Variants in SCLT1 observed in about 807,000 individuals in gnomAD.
SCLT1 encodes sodium channel-associated protein 1.
SCLT1 carries 78 observed loss-of-function variants against 112.8 expected under a neutral mutation model. That is an observed-to-expected ratio of 0.69 (90% CI 0.58 to 0.83). The LOEUF (loss-of-function observed/expected upper bound fraction) is 0.83, where lower values mean the gene tolerates loss of function less well. Among genes scored for constraint, SCLT1 ranks in the 40% least tolerant of loss-of-function variants. The pLI is 0.00. For missense variants in SCLT1, 747 were observed against 770.4 expected, an observed-to-expected ratio of 0.97 and a Z score of 0.36; for synonymous variants, 257 against 254.7, an observed-to-expected ratio of 1.01 and a Z score of -0.09.
intron 18 of SCLT1, among the ~76,000 whole-genome samples, chr4:128,926,708 TATTA>T (rs1378133958): frequency 3.9e-5 from 6 of 152,074 alleles, no homozygotes; most frequent in Admixed American, 2.6e-4. Flanking sequence ...CATATATATT[TATTA>T]CTTTGTTTTA....
At chr4:128,951,601 T>C (rs1052249570) in intron 14 of SCLT1, among the ~76,000 whole-genome samples, 14 of 152,142 alleles carry the variant, frequency 9.2e-5, no homozygotes, top group Admixed American at 9.2e-4. Context: ...TTAAATGATC[T>C]TGGACTGGGG....
chr4:128,919,998 G>A (rs951298700), intron 18 of SCLT1, among the ~76,000 whole-genome samples: 10 of 152,020 alleles, frequency 6.6e-5, no homozygotes, highest in African/African-American at 1.9e-4. Flanking sequence ...TTCCTACTGA[G>A]ACTACTCCAA....
chr4:128,878,135 T>C (rs1432097758), intron 3 of SCLT1, among the ~76,000 whole-genome samples: 1 of 152,152 alleles, frequency 6.6e-6, no homozygotes, highest in Non-Finnish European at 1.5e-5. Context: ...AACCTCCAAG[T>C]CGGCATTTTT....
chr4:128,876,958 C>A (rs1000262657), intron 3 of SCLT1, among the ~76,000 whole-genome samples: 4 of 152,136 alleles, frequency 2.6e-5, no homozygotes, highest in African/African-American at 7.2e-5. Flanking sequence ...TGCTTCGATC[C>A]CACCACCATT....
intron 15 of SCLT1, among the ~76,000 whole-genome samples, 162 bp downstream of exon 15, chr4:128,948,334 G>GA (rs1560878744): frequency 1.1e-4 from 4 of 35,844 alleles, no homozygotes; most frequent in South Asian, 9.2e-4. Context: ...AGACTCCATT[G>GA]CAAAAAAAAA....
chr4:129,004,263 T>C (rs1579662752), intron 5 of SCLT1, among the ~76,000 whole-genome samples: 1 of 152,226 alleles, frequency 6.6e-6, no homozygotes, highest in East Asian at 1.9e-4. Flanking sequence ...AATTATATAT[T>C]AAATCCTGTA....
intron 18 of SCLT1, among the ~76,000 whole-genome samples, chr4:128,902,775 T>G (rs1421462016): frequency 1.3e-5 from 2 of 152,208 alleles, no homozygotes; most frequent in African/African-American, 4.8e-5. Flanking sequence ...CTTTATAAAA[T>G]TTTTAATTTT....
chr4:128,998,937 T>C (rs748704413), intron 7 of SCLT1, among the ~76,000 whole-genome samples: 14 of 151,850 alleles, frequency 9.2e-5, no homozygotes, highest in Non-Finnish European at 1.5e-4. Flanking sequence ...TCAAAATACA[T>C]AGAAAAGAGG....
At chr4:128,937,819 A>G (rs2125983461) in intron 17 of SCLT1, among the ~76,000 whole-genome samples, 1 of 152,284 alleles carries the variant, frequency 6.6e-6, no homozygotes, top group South Asian at 2.1e-4. Flanking sequence ...CTCTTTGGAT[A>G]CCCTAGAAGC....
intron 13 of SCLT1, among the ~76,000 whole-genome samples, chr4:128,953,477 G>C (rs2126004798): frequency 6.6e-6 from 1 of 152,148 alleles, no homozygotes; most frequent in Admixed American, 6.5e-5. Flanking sequence ...GTGACCTTGT[G>C]GCCTCTCTGA....
downstream of SCLT1, among the ~76,000 whole-genome samples, chr4:128,882,981 T>C (rs1401656914): frequency 6.6e-6 from 1 of 151,890 alleles, no homozygotes; most frequent in Non-Finnish European, 1.5e-5. Flanking sequence ...ACCCCATCTC[T>C]ATTAAAAATA....
rs1330285293 is a variant in SCLT1, at chr4:128,957,074, C to T, written c.1098G>A (p.Glu366=). ...CATCTTGTACAAACCGAGAAACTGT[C>T]TCTTTCATTTTCTCTATGTCTTCTT... ...QKEEDIEKMK[E]TVSRFVQDAT... Residue 366 remains glutamate, a synonymous_variant, in exon 13 of 21, where the codon GAG becomes GAA. Transcript: ENST00000281142. 1 of 1,602,720 alleles carries T rather than the reference C, an allele frequency of 6.2e-7. No homozygotes were observed. Among genetic ancestry groups the T allele is most frequent in the Non-Finnish European group, 8.5e-7 (1 of 1,173,422 alleles).
At chr4:129,021,560 G>C (rs1745474328) in intron 5 of SCLT1, among the ~76,000 whole-genome samples, 1 of 152,208 alleles carries the variant, frequency 6.6e-6, no homozygotes, top group African/African-American at 2.4e-5. Flanking sequence ...TGACAGTGCT[G>C]AGGCTGGGAA....
intron 18 of SCLT1, among the ~76,000 whole-genome samples, chr4:128,927,612 A>C (rs1186942454): frequency 2.6e-5 from 4 of 152,038 alleles, no homozygotes; most frequent in Non-Finnish European, 5.9e-5. Context: ...ACTAAATAAT[A>C]GTACTATGTA....
chr4:129,060,411 G>A (rs1165977681), intron 2 of SCLT1, among the ~76,000 whole-genome samples: 1 of 151,870 alleles, frequency 6.6e-6, no homozygotes, highest in East Asian at 1.9e-4. Flanking sequence ...TGTTTCTTGT[G>A]TCCCTGCATT....
chr4:129,092,522 A>G (rs1044127079), intron 1 of SCLT1, among the ~76,000 whole-genome samples: 1 of 152,230 alleles, frequency 6.6e-6, no homozygotes, highest in Non-Finnish European at 1.5e-5. Context: ...AATCCTTTAC[A>G]TATTTTAATA....
intron 9 of SCLT1, among the ~76,000 whole-genome samples, chr4:128,982,517 T>G (rs890687066): frequency 6.6e-6 from 1 of 152,152 alleles, no homozygotes; most frequent in Non-Finnish European, 1.5e-5. Context: ...TTATTATTAT[T>G]TTGAGATGGA....
At position 128,943,112 on chromosome 4, in the gene SCLT1, A is replaced by C; in HGVS notation, c.1516T>G (p.Cys506Gly). 6.2e-7 allele frequency: 1 copy of C among 1,612,760 alleles called. No homozygotes were observed. Among genetic ancestry groups the C allele is most frequent in the Non-Finnish European group, 8.5e-7 (1 of 1,179,062 alleles). Residue 506 changes from cysteine to glycine, a missense_variant, in exon 17 of 21, where the codon TGT becomes GGT. This residue lies in a region of SCLT1 where 723 missense variants were observed against 721.3 expected (regional missense o/e 1.00). Transcript: ENST00000281142. ...QNVLESEREN[C>G]GLVSEQRLKL... is the part of the protein sequence containing the mutation. ...AGCCTTTGTTCACTGACAAGCCCAC[A>C]GTTCTCTCTCTCAGACTCCAATACA...
chr4:129,034,864 T>G (rs780016605), intron 5 of SCLT1, among the ~76,000 whole-genome samples: 6 of 152,122 alleles, frequency 3.9e-5, no homozygotes, highest in Non-Finnish European at 8.8e-5. Context: ...AAATTTTATT[T>G]ATAAAAAGAT....
Sources: allele counts gnomAD v4.1 joint callset (sites outside exome capture counted in the v4.1 genomes callset), GRCh38; gene constraint gnomAD v4.1.1; regional missense constraint gnomAD v4.1.1; transcripts MANE v1.5; gene names NCBI Gene and HGNC (gene_info 2026-07-23, HGNC 2026-07-21).